SASH1: variants seen among roughly 807,000 people sequenced by gnomAD.
The protein encoded by SASH1 is SAM and SH3 domain containing 1.
SASH1 carries 44 observed loss-of-function variants against 125.2 expected under a neutral mutation model. The observed-to-expected ratio is 0.35, with a 90% CI of 0.28 to 0.45. The LOEUF (loss-of-function observed/expected upper bound fraction) is 0.45, where lower values mean the gene tolerates loss of function less well. Ranked by LOEUF, SASH1 falls within the 20% of genes least tolerant of loss-of-function variation. The pLI is 1.00. For missense variants in SASH1, 1,426 were observed against 1,614.5 expected (o/e 0.88, Z 2.00); for synonymous variants, 639 against 649.1 (o/e 0.98, Z 0.24).
At chr6:148,396,618 T>C (rs1011910293) in intron 2 of SASH1, among the ~76,000 whole-genome samples, 1 of 151,974 alleles carries the variant, frequency 6.6e-6, no homozygotes, top group Admixed American at 6.6e-5. Flanking sequence ...GTAAGAGTAG[T>C]GTCCATTGTA....
At chr6:148,213,890 T>G in the SASH1 span, among the ~76,000 whole-genome samples, 1 of 152,222 alleles carries the variant, frequency 6.6e-6, no homozygotes, top group Non-Finnish European at 1.5e-5. Context: ...TTTGATTTAC[T>G]AGGGTTCTAA....
chr6:148,244,337 G>A, the SASH1 span, among the ~76,000 whole-genome samples: 2 of 152,160 alleles, frequency 1.3e-5, no homozygotes, highest in African/African-American at 2.4e-5. Context: ...ACTGGAAAAT[G>A]TATCCCTATC....
At chr6:148,207,035 C>T in the SASH1 span, among the ~76,000 whole-genome samples, 1 of 152,142 alleles carries the variant, frequency 6.6e-6, no homozygotes, top group African/African-American at 2.4e-5. Context: ...GGCCCCTCTC[C>T]AGGCTACTGC....
chr6:148,409,994 A>G (rs1173835760), intron 2 of SASH1, among the ~76,000 whole-genome samples: 1 of 151,412 alleles, frequency 6.6e-6, no homozygotes, highest in Non-Finnish European at 1.5e-5. Flanking sequence ...ATAAGGGAAC[A>G]TGCTCTTATC....
rs1199258499 is a variant in SASH1, at chr6:148,350,672, G to C, written c.156+7449G>C. Reference sequence around the variant, plus strand: ...GTAATAGACGATGTGCCTACCTGTGGTTGACACACATTCTTGGCATTAGTA... The same window carrying C: ...GTAATAGACGATGTGCCTACCTGTGCTTGACACACATTCTTGGCATTAGTA... On this transcript the variant is annotated intron_variant, in intron 1 of 19. Coordinates refer to ENST00000367467, the MANE Select transcript of SASH1 (RefSeq NM_015278.5). Among the ~76,000 whole-genome samples, 3 of 152,174 alleles carry C rather than the reference G, an allele frequency of 2.0e-5. No homozygotes were observed. The South Asian group carries it at 6.2e-4, about 31-fold the overall frequency.
At position 148,519,547 on chromosome 6, in the gene SASH1, G is replaced by A; in HGVS notation, c.863G>A (p.Gly288Asp). Reference sequence around the variant, plus strand: ...AGAGACTCTGTTGGTTTCCCTCCAGGTGGGGAGGAGCACGTGTTTGAGAAT... The same window carrying A: ...AGAGACTCTGTTGGTTTCCCTCCAGATGGGGAGGAGCACGTGTTTGAGAAT... ...VEEMKKPSTE[G>D]GEEHVFENSP... is the part of the protein sequence containing the mutation. Residue 288 changes from glycine (G) to aspartate (D), a missense_variant and splice_region_variant, in exon 10 of 20, where the codon GGT becomes GAT. Gly to Asp is a moderately conservative substitution (Grantham distance 94, BLOSUM62 -1). Transcript: ENST00000367467. The surrounding 1 kb of genome is among the most constrained non-coding windows in gnomAD (Gnocchi z 4.8). 1 of 1,611,198 alleles carries A rather than the reference G, an allele frequency of 6.2e-7. No homozygotes were observed. Among genetic ancestry groups the A allele is most frequent in the African/African-American group, 1.3e-5 (1 of 74,966 alleles).
Position 148,320,198 on chromosome 6 carries a change from TG to T in SASH1, n.74+47826del, listed in dbSNP as rs980440121. 3.3e-5 allele frequency among the ~76,000 whole-genome samples: 5 copies of T among 152,334 alleles called. No individual in the cohort carries two copies. In the South Asian group the frequency reaches 1.0e-3, roughly 32 times the overall value. On this transcript the variant is annotated intron_variant and non_coding_transcript_variant, in intron 1 of 3. Coordinates refer to the SASH1 transcript ENST00000367469. Reference sequence around the variant, plus strand: ...ACCATCCATGGTTTCAGGAATTCACTGGGGGTTGGGGAATCTATCCCCTAAG... The same window carrying T: ...ACCATCCATGGTTTCAGGAATTCACTGGGGTTGGGGAATCTATCCCCTAAG...
chr6:148,429,079 C>T (rs1301808193), intron 2 of SASH1, among the ~76,000 whole-genome samples: 1 of 152,162 alleles, frequency 6.6e-6, no homozygotes, highest in Non-Finnish European at 1.5e-5. Context: ...TTACAACATT[C>T]TGTTTTAAGT....
chr6:148,445,241 C>T (rs1776719556), intron 4 of SASH1, among the ~76,000 whole-genome samples: 1 of 152,134 alleles, frequency 6.6e-6, no homozygotes, highest in African/African-American at 2.4e-5. Context: ...CATCCTGTCA[C>T]TAAGAATGCC....
the SASH1 span, among the ~76,000 whole-genome samples, chr6:148,206,525 C>G: frequency 6.6e-6 from 1 of 152,180 alleles, no homozygotes; most frequent in East Asian, 1.9e-4. Flanking sequence ...TGCAGTGGCT[C>G]ACGCCTGTAA....
chr6:148,230,549 T>G, the SASH1 span, among the ~76,000 whole-genome samples: 10 of 152,334 alleles, frequency 6.6e-5, no homozygotes, highest in African/African-American at 2.4e-4. Flanking sequence ...ACTCTGTGTT[T>G]AACATTGTTA....
chr6:148,457,168 A>G (rs1777398175), intron 4 of SASH1, among the ~76,000 whole-genome samples: 1 of 151,624 alleles, frequency 6.6e-6, no homozygotes, highest in Non-Finnish European at 1.5e-5. Context: ...GCAGAATTTC[A>G]AGGCCCCCTC....
chr6:148,441,193 G>A (rs1172469888), intron 4 of SASH1, among the ~76,000 whole-genome samples: 6 of 152,250 alleles, frequency 3.9e-5, no homozygotes, highest in Non-Finnish European at 8.8e-5. Flanking sequence ...TTCATGCCAA[G>A]GGAGGCACAG....
intron 2 of SASH1, among the ~76,000 whole-genome samples, chr6:148,422,199 T>C (rs1045864650): frequency 1.3e-5 from 2 of 152,280 alleles, no homozygotes; most frequent in Middle Eastern, 3.4e-3. Flanking sequence ...CAGGGCTGCT[T>C]TTATAGTGCC....
At chr6:148,464,249 T>C (rs945657873) in intron 4 of SASH1, among the ~76,000 whole-genome samples, 2 of 152,212 alleles carry the variant, frequency 1.3e-5, no homozygotes, top group Admixed American at 6.5e-5. Context: ...TTTGGGGTCT[T>C]AATAGTAGGA....
At chr6:148,388,936 A>C (rs1424309998) in intron 1 of SASH1, among the ~76,000 whole-genome samples, 2 of 152,128 alleles carry the variant, frequency 1.3e-5, no homozygotes, top group Non-Finnish European at 2.9e-5. Context: ...TTTATACCAA[A>C]GAGCAGAATG....
chr6:148,290,600 C>T (rs752555114), intron 1 of SASH1, among the ~76,000 whole-genome samples: 4 of 151,774 alleles, frequency 2.6e-5, no homozygotes, highest in African/African-American at 4.8e-5. Context: ...AGTGAGATTC[C>T]GTCTCAAAAA....
At position 148,544,086 on chromosome 6, in the gene SASH1, G is replaced by A. The variant is rs752831446; in HGVS notation, c.2616G>A (p.Thr872=). Residue 872 remains threonine (T), a synonymous_variant, in exon 18 of 20, where the codon ACG becomes ACA. Coordinates refer to ENST00000367467, the MANE Select transcript of SASH1 (RefSeq NM_015278.5). The surrounding 1 kb of genome is among the most constrained non-coding windows in gnomAD (Gnocchi z 6.4). The part of the protein sequence containing the change: ...PQIVPEVPQK[T]TASSTKAQPL... ...TTGTACCTGAAGTGCCACAGAAGAC[G>A]ACCGCCTCTTCCACGAAGGCCCAGC... 29 of 1,613,990 alleles carry A rather than the reference G, an allele frequency of 1.8e-5. No homozygotes were observed. Among genetic ancestry groups the A allele is most frequent in the East Asian group, 4.5e-5 (2 of 44,874 alleles).
chr6:148,421,784 G>C (rs754265006), intron 2 of SASH1, among the ~76,000 whole-genome samples: 50 of 152,208 alleles, frequency 3.3e-4, no homozygotes, highest in Admixed American at 7.2e-4. Context: ...AGTTTGGAAA[G>C]TAATCTTATT....
Sources: allele counts gnomAD v4.1 joint callset (sites outside exome capture counted in the v4.1 genomes callset), GRCh38; gene constraint gnomAD v4.1.1; non-coding constraint Gnocchi (gnomAD v3.1); transcripts MANE v1.5; gene names NCBI Gene and HGNC (gene_info 2026-07-23, HGNC 2026-07-21).